CDH13: variants seen among roughly 807,000 people sequenced by gnomAD.
CDH13 encodes the protein cadherin-13.
In CDH13, 24 loss-of-function variants were observed where a neutral mutation model predicts 63.8. That is an observed-to-expected ratio of 0.38 (90% confidence interval 0.27 to 0.53). The LOEUF (loss-of-function observed/expected upper bound fraction) is 0.53. CDH13 is among the 20% of genes least tolerant of loss of function. The pLI is 0.85. For synonymous variants in CDH13, 503 were observed against 355.3 expected, an observed-to-expected ratio of 1.42 and a Z score of -4.67; for missense variants, 1,049 against 903.1, an observed-to-expected ratio of 1.16 and a Z score of -2.07.
At chr16:83,355,834 A>G (rs568786486) in intron 6 of CDH13, among the ~76,000 whole-genome samples, 31 of 152,270 alleles carry the variant, frequency 2.0e-4, no homozygotes, top group African/African-American at 7.2e-4. Context: ...AGGGAGGGAG[A>G]TGATGCCTGT....
At chr16:83,008,102 T>C (rs1913735435) in intron 2 of CDH13, among the ~76,000 whole-genome samples, 1 of 152,112 alleles carries the variant, frequency 6.6e-6, no homozygotes, top group South Asian at 2.1e-4. Flanking sequence ...AGCTACCATG[T>C]ATGAGGTATT....
rs375973182 is a variant in CDH13 at position 82,632,192 on chromosome 16, C to T, written c.45+5055C>T. Among the ~76,000 whole-genome samples, 22 of 152,278 alleles carry T rather than the reference C, an allele frequency of 1.4e-4. No homozygotes were observed. In the South Asian group the frequency reaches 3.9e-3, roughly 27 times the overall value. ...CCATAATCGTCACCACTCTCTACTA[C>T]CCAGCCTTCTGTGCTCACTAATTTT... On this transcript the variant is annotated intron_variant, in intron 1 of 13. Transcript: ENST00000567109.
chr16:82,970,589 C>CG (rs1451197063), intron 2 of CDH13, among the ~76,000 whole-genome samples: 2 of 117,840 alleles, frequency 1.7e-5, no homozygotes, highest in Admixed American at 8.4e-5. Context: ...TTAGTAGAGA[C>CG]GGGGTTTCAC....
chr16:83,261,160 G>C (rs183701929), intron 5 of CDH13, among the ~76,000 whole-genome samples: 1 of 152,108 alleles, frequency 6.6e-6, no homozygotes, highest in African/African-American at 2.4e-5. Flanking sequence ...TAGTGACCAC[G>C]GTTCAGTTTC....
rs1170565661 is a variant in CDH13, at chr16:83,795,389, G to A, written c.*359G>A. 2.2e-5 allele frequency: 6 copies of A among 277,344 alleles called. No individual in the cohort carries two copies. In the East Asian group the frequency reaches 2.5e-4, roughly 11 times the overall value. The allele number at this position is 277,344 out of a possible 1,614,324, so 17.2% of individuals were successfully genotyped here. A position where few individuals can be genotyped will look rare whatever the true frequency, so the allele number is the denominator to read the frequency against. ...TGTCTGTGGGTTAGTATTGGTGTAT[G>A]TATGAGTATCTGTATGTATATATAC... On this transcript the variant is annotated 3_prime_UTR_variant, in exon 14 of 14. Transcript: ENST00000567109.
At chr16:83,121,988 A>ACT (rs1282798312) in intron 3 of CDH13, among the ~76,000 whole-genome samples, 1 of 152,050 alleles carries the variant, frequency 6.6e-6, no homozygotes, top group Non-Finnish European at 1.5e-5. Context: ...ACACACACAC[A>ACT]CACACACTTT....
chr16:82,634,779 G>C (rs974254483), intron 1 of CDH13, among the ~76,000 whole-genome samples: 2 of 152,206 alleles, frequency 1.3e-5, no homozygotes, highest in Admixed American at 6.5e-5. Context: ...AGAGGGGCCT[G>C]AGAAGTTCAG....
At chr16:83,393,551 A>C (rs1042606653) in intron 6 of CDH13, among the ~76,000 whole-genome samples, 2 of 152,212 alleles carry the variant, frequency 1.3e-5, no homozygotes, top group East Asian at 1.9e-4. Flanking sequence ...CTAAGCCACC[A>C]ATCCCCAGCC....
chr16:83,344,611 C>G (rs1235449246), intron 5 of CDH13, among the ~76,000 whole-genome samples: 1 of 152,104 alleles, frequency 6.6e-6, no homozygotes, highest in African/African-American at 2.4e-5. Flanking sequence ...TTTGTTTTAA[C>G]TTTCTTTGCC....
chr16:83,116,724 T>G (rs2035317428), intron 3 of CDH13, among the ~76,000 whole-genome samples: 2 of 152,222 alleles, frequency 1.3e-5, no homozygotes, highest in Non-Finnish European at 2.9e-5. Flanking sequence ...GTAAATTTCC[T>G]AACAATCACT....
intron 4 of CDH13, among the ~76,000 whole-genome samples, chr16:83,146,193 CAAAAAAA>C (rs749952847): frequency 1.0e-5 from 1 of 97,624 alleles, no homozygotes; most frequent in Non-Finnish European, 2.1e-5. Context: ...GACTCTGTCT[CAAAAAAA>C]AAAAAAAAAA....
At chr16:82,970,355 T>A (rs1199243771) in intron 2 of CDH13, among the ~76,000 whole-genome samples, 1 of 151,698 alleles carries the variant, frequency 6.6e-6, no homozygotes, top group Non-Finnish European at 1.5e-5. Context: ...TGGTTTCAAG[T>A]CTTTGCTATT....
intron 2 of CDH13, among the ~76,000 whole-genome samples, chr16:82,999,759 C>T (rs1229200820): frequency 6.6e-6 from 1 of 152,152 alleles, no homozygotes; most frequent in African/African-American, 2.4e-5. Flanking sequence ...AGCTGTCGTC[C>T]AGCACATATT....
intron 7 of CDH13, among the ~76,000 whole-genome samples, chr16:83,540,494 G>A (rs1373349559): frequency 2.0e-5 from 3 of 152,150 alleles, no homozygotes; most frequent in African/African-American, 7.2e-5. Flanking sequence ...GGCTCTAGAA[G>A]CTCAGGGGTG....
chr16:82,720,868 T>A (rs1567465256), intron 1 of CDH13, among the ~76,000 whole-genome samples: 1 of 152,178 alleles, frequency 6.6e-6, no homozygotes, highest in Non-Finnish European at 1.5e-5. Flanking sequence ...CCAATGAGTC[T>A]CCTGTGCCTG....
intron 6 of CDH13, among the ~76,000 whole-genome samples, chr16:83,368,827 G>C (rs2091302712): frequency 7.7e-6 from 1 of 130,496 alleles, no homozygotes; most frequent in East Asian, 2.1e-4. Context: ...TTCCATCCAA[G>C]TTTCTGTGAA....
intron 1 of CDH13, among the ~76,000 whole-genome samples, chr16:82,642,932 C>T (rs948388286): frequency 6.6e-6 from 1 of 152,186 alleles, no homozygotes; most frequent in Admixed American, 6.5e-5. Context: ...GATTCAAACT[C>T]AAGACAATTC....
At chr16:82,885,513 A>T (rs867255833) in intron 2 of CDH13, among the ~76,000 whole-genome samples, 1 of 144,212 alleles carries the variant, frequency 6.9e-6, no homozygotes, top group Non-Finnish European at 1.5e-5. Flanking sequence ...CCATCCATCT[A>T]TCCATTCATC....
chr16:83,420,851 A>T (rs2071693819), intron 6 of CDH13, among the ~76,000 whole-genome samples: 1 of 152,292 alleles, frequency 6.6e-6, no homozygotes, highest in East Asian at 1.9e-4. Context: ...CCAGAGTCCA[A>T]AGGCTGAAGA....
Sources: allele counts gnomAD v4.1 joint callset (sites outside exome capture counted in the v4.1 genomes callset), GRCh38; gene constraint gnomAD v4.1.1; transcripts MANE v1.5; gene names NCBI Gene and HGNC (gene_info 2026-07-23, HGNC 2026-07-21).